Variants in PPM1H observed in about 807,000 individuals in gnomAD.
PPM1H encodes the protein protein phosphatase, Mg2+/Mn2+ dependent 1H, also known as protein phosphatase 1H.
Under a neutral mutation model 54.9 loss-of-function variants are expected in PPM1H, and 27 were observed. The ratio of observed to expected loss-of-function variants is 0.49; its 90% CI spans 0.36 to 0.68. The LOEUF is 0.68. PPM1H is among the 30% of genes least tolerant of loss of function. The probability of loss-of-function intolerance (pLI) is 0.00; values close to 1 mark genes in which losing one functional copy is unlikely to be tolerated. For synonymous variants in PPM1H, 305 were observed against 270.8 expected, an observed-to-expected ratio of 1.13 and a Z score of -1.24; for missense variants, 596 against 667.8, an observed-to-expected ratio of 0.89 and a Z score of 1.19.
intron 4 of PPM1H, among the ~76,000 whole-genome samples, chr12:62,775,259 C>G: frequency 6.6e-6 from 1 of 152,232 alleles, no homozygotes; most frequent in Non-Finnish European, 1.5e-5. Context: ...CAGGCAAGTC[C>G]GGCAGCCTCT....
At chr12:62,689,661 T>C in intron 8 of PPM1H, 38 bp downstream of exon 8, 1 of 1,541,900 alleles carries the variant, frequency 6.5e-7, no homozygotes, top group South Asian at 1.1e-5. Context: ...CGAAAATGTT[T>C]TATTGCACAA....
At chr12:62,780,828 T>C (rs1357122454) in intron 4 of PPM1H, among the ~76,000 whole-genome samples, 1 of 152,210 alleles carries the variant, frequency 6.6e-6, no homozygotes, top group South Asian at 2.1e-4. Context: ...GGTTCTCTAC[T>C]ACAAAGTTTC....
intron 3 of PPM1H, among the ~76,000 whole-genome samples, chr12:62,792,633 G>A (rs1337850722): frequency 6.6e-6 from 1 of 152,130 alleles, no homozygotes; most frequent in Non-Finnish European, 1.5e-5. Flanking sequence ...TCCCCCTGAA[G>A]GATTCACTGT....
chr12:62,732,836 C>T (rs1028409868), intron 5 of PPM1H, among the ~76,000 whole-genome samples: 1 of 152,064 alleles, frequency 6.6e-6, no homozygotes, highest in African/African-American at 2.4e-5. Flanking sequence ...TCTTCATATA[C>T]CCTAAATATA....
rs12310474 is a variant in PPM1H, at chr12:62,762,891, G to A, written c.870-25305C>T. 8.7e-3 allele frequency among the ~76,000 whole-genome samples: 1,330 copies of A among 152,330 alleles called. 15 individuals carry two copies. Among genetic ancestry groups the A allele is most frequent in the African/African-American group, 0.03 (1,247 of 41,566 alleles). ...ATTGATGACCGAGAAGGGAGAGGCT[G>A]GCAGGGAAACCTGGAGGAGGCTGAA... On this transcript the variant is annotated intron_variant, in intron 4 of 9. Coordinates refer to ENST00000228705, the MANE Select transcript of PPM1H (RefSeq NM_020700.2).
intron 5 of PPM1H, among the ~76,000 whole-genome samples, chr12:62,731,307 C>T (rs144053529): frequency 4.6e-5 from 7 of 152,152 alleles, no homozygotes; most frequent in East Asian, 1.9e-4. Context: ...GAGCAAAACA[C>T]GGAGATATTG....
Position 62,702,501 on chromosome 12 carries a change from T to C in PPM1H, c.1074-8502A>G, listed in dbSNP as rs2076149174. Among the ~76,000 whole-genome samples the C allele has an allele frequency of 2.0e-5, 3 of 149,750 alleles. No homozygotes were observed. The South Asian group carries it at 6.4e-4, about 32-fold the overall frequency. On this transcript the variant is annotated intron_variant, in intron 6 of 9. Coordinates refer to ENST00000228705, the MANE Select transcript of PPM1H (RefSeq NM_020700.2). ...CTTTGGCATCATCAACATAAATCAC[T>C]TCCCACGATCTCCCTTCTCTTCTAA... is the stretch of plus-strand genomic sequence containing the variant.
At chr12:62,721,683 G>A (rs1036870297) in intron 5 of PPM1H, among the ~76,000 whole-genome samples, 2 of 152,132 alleles carry the variant, frequency 1.3e-5, no homozygotes, top group African/African-American at 4.8e-5. Flanking sequence ...GAAGAATTTG[G>A]GTGTGAATCC....
At chr12:62,805,510 T>C (rs1437496064) in intron 2 of PPM1H, among the ~76,000 whole-genome samples, 1 of 152,168 alleles carries the variant, frequency 6.6e-6, no homozygotes, top group Non-Finnish European at 1.5e-5. Context: ...AATAAGATAT[T>C]ATTCAGCCAC....
Position 62,768,426 on chromosome 12 carries a change from T to C in PPM1H, c.869+19800A>G, listed in dbSNP as rs573057141. Among the ~76,000 whole-genome samples, 3 of 152,004 alleles carry C rather than the reference T, an allele frequency of 2.0e-5. No homozygotes were observed. In the East Asian group the frequency reaches 5.8e-4, roughly 30 times the overall value. On this transcript the variant is annotated intron_variant, in intron 4 of 9. Transcript: ENST00000228705. ...ATCCCAGCTTTTTGGGAGGCCAAGG[T>C]GGGCGGATCATGAGGTCAGGACTTC...
chr12:62,745,196 A>T (rs1234873349), intron 4 of PPM1H, among the ~76,000 whole-genome samples: 2 of 151,954 alleles, frequency 1.3e-5, no homozygotes, highest in East Asian at 1.9e-4. Context: ...TTTTCTTTTT[A>T]AAAAATTTTA....
chr12:62,895,919 A>G (rs919189210), intron 1 of PPM1H, among the ~76,000 whole-genome samples: 3 of 152,172 alleles, frequency 2.0e-5, no homozygotes. Flanking sequence ...ACCCAGCCTC[A>G]GGTATTCCTT....
intron 7 of PPM1H, among the ~76,000 whole-genome samples, chr12:62,693,455 A>G (rs2076094589): frequency 6.6e-6 from 1 of 152,186 alleles, no homozygotes; most frequent in Non-Finnish European, 1.5e-5. Flanking sequence ...GTGGAGTCTG[A>G]GACGCGCGAA....
intron 2 of PPM1H, among the ~76,000 whole-genome samples, chr12:62,816,979 C>T (rs955987212): frequency 6.6e-6 from 1 of 151,356 alleles, no homozygotes; most frequent in Admixed American, 6.6e-5. Context: ...CAACACCCAC[C>T]AATAAGGGGC....
chr12:62,925,166 T>C (rs1291068210), intron 1 of PPM1H, among the ~76,000 whole-genome samples: 1 of 152,174 alleles, frequency 6.6e-6, no homozygotes, highest in Non-Finnish European at 1.5e-5. Context: ...TTAGACTAAT[T>C]AAAAAAGGGG....
intron 1 of PPM1H, among the ~76,000 whole-genome samples, chr12:62,889,760 T>C (rs1870719580): frequency 6.6e-6 from 1 of 152,160 alleles, no homozygotes; most frequent in Admixed American, 6.5e-5. Flanking sequence ...TTTTACACAT[T>C]TCACAAAAAT....
In PPM1H at chr12:62,648,297, TG is replaced by T. The variant is rs376387606; in HGVS notation, c.*191del. ...CCTTTGTGTTTTGCTCTTGTTGAGT[TG>T]ACCTGTTACTAAAGAAGAAATGGAA... is the stretch of plus-strand genomic sequence containing the variant. On this transcript the variant is annotated 3_prime_UTR_variant, in exon 10 of 10. Transcript: ENST00000228705. The T allele has an allele frequency of 8.0e-4, 511 of 635,020 alleles. 4 individuals carry two copies. In the African/African-American group the frequency reaches 8.6e-3, roughly 11 times the overall value. The allele number at this position is 635,020 out of a possible 1,614,324, so 39.3% of individuals were successfully genotyped here. A position where few individuals can be genotyped will look rare whatever the true frequency, so the allele number is the denominator to read the frequency against.
chr12:62,921,266 T>C (rs1157211225), intron 1 of PPM1H, among the ~76,000 whole-genome samples: 1 of 149,134 alleles, frequency 6.7e-6, no homozygotes, highest in Non-Finnish European at 1.5e-5. Flanking sequence ...TATCACAAGA[T>C]TTTTTTCCTT....
intron 4 of PPM1H, among the ~76,000 whole-genome samples, chr12:62,785,918 C>G (rs1308234407): frequency 6.6e-6 from 1 of 150,562 alleles, no homozygotes; most frequent in Middle Eastern, 3.2e-3. Context: ...TCTCGAAGAA[C>G]AGTCTAACAT....
Sources: gnomAD v4.1 joint callset for allele counts (sites outside exome capture counted in the v4.1 genomes callset) on GRCh38, gnomAD v4.1.1 for gene constraint, MANE v1.5 for transcripts, NCBI Gene and HGNC (gene_info 2026-07-23, HGNC 2026-07-21) for gene names.